FBRS: variants seen among roughly 807,000 people sequenced by gnomAD.
FBRS encodes fibrosin, also known as probable fibrosin-1.
In FBRS, 15 loss-of-function variants were observed where a neutral mutation model predicts 86.1. That is an observed-to-expected ratio of 0.17 (90% CI 0.12 to 0.27). The LOEUF is 0.27. Among genes scored for constraint, FBRS ranks in the 10% least tolerant of loss-of-function variants. FBRS has a pLI of 1.00. For synonymous variants in FBRS, 666 were observed against 575.8 expected (o/e 1.16, Z -2.24); for missense variants, 1,367 against 1,301.6 (o/e 1.05, Z -0.77).
In FBRS at chr16:30,666,937, G is replaced by A. The variant is rs2052529309; in HGVS notation, c.1822G>A (p.Ala608Thr). ...GCGGCAGAAACCAGGGAAGTGGTGT[G>A]CCATGCACGTGCGTGTGGCTTACAT... ...PPLRKPGKWCAMHVRVAYMIL... is the reference protein window; with the variant it reads ...PPLRKPGKWCTMHVRVAYMIL... Residue 608 changes from alanine (A) to threonine (T), a missense_variant, in exon 13 of 18, where the codon GCC becomes ACC. Around this residue, in one of 3 missense-constraint regions of FBRS, gnomAD observed 659 missense variants for 678.8 expected, o/e 0.97. Coordinates refer to ENST00000356166, the MANE Select transcript of FBRS (RefSeq NM_001105079.3). The A allele has an allele frequency of 1.2e-6, 2 of 1,612,870 alleles. No individual in the cohort carries two copies. The highest frequency in any genetic ancestry group is 1.7e-5 in the Admixed American group (1 of 59,798).
chr16:30,664,703 C>A lies in FBRS; in HGVS notation c.1358-12C>A, dbSNP rs1263900591. The stretch of plus-strand genomic sequence containing the variant: ...CGACAGCATTAAAGCCTTCTCCCGT[C>A]CCCTCCCACAGAGCAGGACCTGATC... On this transcript the variant is annotated splice_polypyrimidine_tract_variant and intron_variant, in intron 7 of 17. Coordinates refer to ENST00000356166, the MANE Select transcript of FBRS (RefSeq NM_001105079.3). 1 of 1,507,862 alleles carries A rather than the reference C, an allele frequency of 6.6e-7. No homozygotes were observed. The highest frequency in any genetic ancestry group is 8.9e-7 in the Non-Finnish European group (1 of 1,123,310). 93.4% of individuals were successfully genotyped at this position (1,507,862 alleles called of 1,614,324 possible). A position where few individuals can be genotyped will look rare whatever the true frequency, so the allele number is the denominator to read the frequency against.
chr16:30,664,653 C>T, intron 7 of FBRS, 62 bp from the exon 8 acceptor site: 3 of 1,456,042 alleles, frequency 2.1e-6, no homozygotes, highest in Non-Finnish European at 2.7e-6. Flanking sequence ...AAGGCAGTCA[C>T]CTGGGCCCAA....
At position 30,660,447 on chromosome 16, in the gene FBRS, G is replaced by T; in HGVS notation, c.639+5G>T. ...AATAAGCGGAGAAGAAAAGAGGTGA[G>T]GTTGTCCCTTAAAACTCTTTAGGCA... is the stretch of plus-strand genomic sequence containing the variant. On this transcript the variant is annotated splice_donor_5th_base_variant and intron_variant, in intron 2 of 17. Coordinates refer to ENST00000356166, the MANE Select transcript of FBRS (RefSeq NM_001105079.3). 1 of 1,257,964 alleles carries T rather than the reference G, an allele frequency of 7.9e-7. No homozygotes were observed. Among genetic ancestry groups the T allele is most frequent in the East Asian group, 3.1e-5 (1 of 31,788 alleles). The allele number at this position is 1,257,964 out of a possible 1,614,324, so 77.9% of individuals were successfully genotyped here.
At chr16:30,663,725 C>T (rs893924) in intron 6 of FBRS, among the ~76,000 whole-genome samples, 2,906 of 152,182 alleles carry the variant, frequency 0.019, 87 homozygotes, top group African/African-American at 0.068. Flanking sequence ...ATTTTGTCAC[C>T]GTCATTGTCA....
chr16:30,668,842 A>C lies in FBRS; in HGVS notation c.2229A>C (p.Pro743=), dbSNP rs765528853. 1.3e-4 allele frequency: 211 copies of C among 1,595,248 alleles called. No individual in the cohort carries two copies. The highest frequency in any genetic ancestry group is 1.8e-4 in the Non-Finnish European group (206 of 1,175,810). ...APPAFASPPD[P]WGRLHRSPLT... ...CAGCCTTCGCCTCCCCACCGGACCC[A>C]TGGGGCCGCCTGCACCGCAGTCCTC... The change falls in exon 17 of 18, where the codon CCA becomes CCC. Residue 743 remains proline (P), a synonymous_variant. Transcript: ENST00000356166.
chr16:30,665,931 T>G lies in FBRS; in HGVS notation c.1773+225T>G. On this transcript the variant is annotated intron_variant, in intron 11 of 17. Coordinates refer to ENST00000356166, the MANE Select transcript of FBRS (RefSeq NM_001105079.3). This position sits in a 1 kb window ranked among gnomAD's most constrained non-coding sequence, Gnocchi z 4.1. ...AAATAGGATGATTAGGACAATGGTT[T>G]TTGTAGTGGTTTTCAAACTTTTTAA... The G allele has an allele frequency of 2.0e-6, 1 of 508,258 alleles. No individual in the cohort carries two copies. The highest frequency in any genetic ancestry group is 2.0e-5 in the African/African-American group (1 of 50,612). The allele number at this position is 508,258 out of a possible 1,614,324, so 31.5% of individuals were successfully genotyped here. A position where few individuals can be genotyped will look rare whatever the true frequency, so the allele number is the denominator to read the frequency against.
chr16:30,669,704 G>A lies in FBRS; in HGVS notation c.*59G>A. 6.6e-7 allele frequency: 1 copy of A among 1,504,850 alleles called. No individual in the cohort carries two copies. The allele number at this position is 1,504,850 out of a possible 1,614,324, so 93.2% of individuals were successfully genotyped here. A position where few individuals can be genotyped will look rare whatever the true frequency, so the allele number is the denominator to read the frequency against. On this transcript the variant is annotated 3_prime_UTR_variant, in exon 18 of 18. Transcript: ENST00000356166. The surrounding 1 kb of genome is among the most constrained non-coding windows in gnomAD (Gnocchi z 5.9). ...CTCCCCTTCCTTTAACCAGGTCCTA[G>A]GGCTGAGGTTTTAAGCCAGGGCTGG...
In FBRS at chr16:30,664,791, G is replaced by A. The variant is rs2052501961; in HGVS notation, c.1434G>A (p.Gly478=). The A allele has an allele frequency of 6.4e-7, 1 of 1,554,042 alleles. No individual in the cohort carries two copies. Among genetic ancestry groups the A allele is most frequent in the Non-Finnish European group, 8.7e-7 (1 of 1,148,346 alleles). The change falls in exon 8 of 18, where the codon GGG becomes GGA. Residue 478 remains glycine (G), a synonymous_variant. Transcript: ENST00000356166. Reference sequence around the variant, plus strand: ...GTGGCCCTGAGGTGGTGGGGGCAGGGGGCTCGGCCCGGCCCCTGGCCTTCC... The same window carrying A: ...GTGGCCCTGAGGTGGTGGGGGCAGGAGGCTCGGCCCGGCCCCTGGCCTTCC... ...AQGGPEVVGA[G]GSARPLAFQF... is the part of the protein sequence containing the mutation.
chr16:30,667,250 C>T, intron 13 of FBRS, 70 bp from the exon 14 acceptor site: 9 of 1,282,678 alleles, frequency 7.0e-6, no homozygotes, highest in East Asian at 2.5e-5. Context: ...AGGGGAACCA[C>T]GGGTGAGAGA....
rs2151264256 is a variant in FBRS, at chr16:30,659,497, T to G, written c.-22T>G. 7.1e-6 allele frequency: 2 copies of G among 282,336 alleles called. No individual in the cohort carries two copies. The allele number at this position is 282,336 out of a possible 1,614,324, so 17.5% of individuals were successfully genotyped here. ...CGCTTCGGGCCCCGCCGCCTCCGGA[T>G]GCGGCGCTGAGGGCGGTCGCCATGG... is the stretch of plus-strand genomic sequence containing the variant. On this transcript the variant is annotated 5_prime_UTR_variant, in exon 1 of 18. The change abolishes an upstream ATG in the 5' untranslated region. Coordinates refer to ENST00000356166, the MANE Select transcript of FBRS (RefSeq NM_001105079.3).
At chr16:30,667,941 T>C in intron 15 of FBRS, 1 of 328,678 alleles carries the variant, frequency 3.0e-6, no homozygotes, top group African/African-American at 2.1e-5. Flanking sequence ...ACTCCTAGGA[T>C]CTTGGCAGGC....
At chr16:30,666,757 C>T (rs1307796345) in intron 12 of FBRS, among the ~76,000 whole-genome samples, 162 bp from the exon 13 acceptor site, 1 of 152,136 alleles carries the variant, frequency 6.6e-6, no homozygotes, top group Non-Finnish European at 1.5e-5. Flanking sequence ...CTCTGAGCCT[C>T]AGTTTCCTAG....
In FBRS at chr16:30,659,799, G is replaced by A. The variant is rs1357197617; in HGVS notation, c.281G>A (p.Arg94Gln). ...CCGAGACCTCGACCCCCGCGACCCC[G>A]AGCTCGGAAGCGGCCTGCCGGCTCG... is the stretch of plus-strand genomic sequence containing the variant. ...PRPRPRPPRP[R>Q]ARKRPAGSGS... Residue 94 changes from arginine to glutamine, a missense_variant, in exon 1 of 18, where the codon CGA becomes CAA. Physicochemically the swap from Arg to Gln is conservative, Grantham distance 43 (BLOSUM62 1). This residue lies in a region of FBRS where 702 missense variants were observed against 598.7 expected (regional missense o/e 1.17). Transcript: ENST00000356166. The A allele has an allele frequency of 6.6e-7, 1 of 1,505,800 alleles. No homozygotes were observed. 93.3% of individuals were successfully genotyped at this position (1,505,800 alleles called of 1,614,324 possible). A position where few individuals can be genotyped will look rare whatever the true frequency, so the allele number is the denominator to read the frequency against.
At chr16:30,662,371 G>A in intron 4 of FBRS, 49 bp from the exon 5 acceptor site, 15 of 1,549,208 alleles carry the variant, frequency 9.7e-6, no homozygotes, top group Non-Finnish European at 1.3e-5. Context: ...CCTGGGTGGA[G>A]GCCTGGCCCA....
At position 30,665,485 on chromosome 16, in the gene FBRS, C is replaced by T. The variant is rs1426063296; in HGVS notation, c.1704+84C>T. On this transcript the variant is annotated intron_variant, in intron 10 of 17. Transcript: ENST00000356166. This position sits in a 1 kb window ranked among gnomAD's most constrained non-coding sequence, Gnocchi z 4.1. ...GGGTCCAAGCACCCTTCTCCCATTC[C>T]CCAAAGTCGTGCCCATCCTCCTGCC... 1.4e-6 allele frequency: 2 copies of T among 1,449,698 alleles called. No individual in the cohort carries two copies. Among genetic ancestry groups the T allele is most frequent in the Non-Finnish European group, 1.9e-6 (2 of 1,054,698 alleles). 89.8% of individuals were successfully genotyped at this position (1,449,698 alleles called of 1,614,324 possible).
chr16:30,662,071 C>A (rs1442474146), intron 4 of FBRS: 3 of 263,648 alleles, frequency 1.1e-5, no homozygotes, highest in Non-Finnish European at 2.2e-5. Context: ...TGGTTTAAAA[C>A]TTTTACCAAC....
At chr16:30,660,171 G>A in intron 1 of FBRS, 92 bp from the exon 2 acceptor site, 1 of 1,411,698 alleles carries the variant, frequency 7.1e-7, no homozygotes, top group Non-Finnish European at 9.3e-7. Context: ...CGGTTTCCCG[G>A]CCCGAGGGGT....
chr16:30,665,732 G>A lies in FBRS; in HGVS notation c.1773+26G>A, dbSNP rs1188995139. 6.4e-7 allele frequency: 1 copy of A among 1,562,148 alleles called. No individual in the cohort carries two copies. The highest frequency in any genetic ancestry group is 1.4e-5 in the African/African-American group (1 of 74,002). Reference sequence around the variant, plus strand: ...GTGAGGGGGCCAGGGCAGGTCCTGGGGGAGCTGGAAGGTGTGTTGCGGGGA... The same window carrying A: ...GTGAGGGGGCCAGGGCAGGTCCTGGAGGAGCTGGAAGGTGTGTTGCGGGGA... On this transcript the variant is annotated intron_variant, in intron 11 of 17. Transcript: ENST00000356166. This position sits in a 1 kb window ranked among gnomAD's most constrained non-coding sequence, Gnocchi z 4.1.
Position 30,659,691 on chromosome 16 carries a change from C to T in FBRS, c.173C>T (p.Ser58Leu). 1 of 885,560 alleles carries T rather than the reference C, an allele frequency of 1.1e-6. No homozygotes were observed. Among genetic ancestry groups the T allele is most frequent in the Non-Finnish European group, 1.7e-6 (1 of 601,348 alleles). The allele number at this position is 885,560 out of a possible 1,614,324, so 54.9% of individuals were successfully genotyped here. A position where few individuals can be genotyped will look rare whatever the true frequency, so the allele number is the denominator to read the frequency against. ...GCCCCGCGCGGCTCCTCGTCCTCGT[C>T]GTCGCCGCCGCCGCCCGCCAGGCCT... ...LAAPRGSSSS[S>L]SPPPPARPWS... Residue 58 changes from serine to leucine, a missense_variant, in exon 1 of 18, where the codon TCG (serine) becomes TTG (leucine). Physicochemically the swap from Ser to Leu is moderately radical, Grantham distance 145. Transcript: ENST00000356166.
Sources: allele counts gnomAD v4.1 joint callset (sites outside exome capture counted in the v4.1 genomes callset), GRCh38; gene constraint gnomAD v4.1.1; regional missense constraint gnomAD v4.1.1; non-coding constraint Gnocchi (gnomAD v3.1); transcripts MANE v1.5; gene names NCBI Gene and HGNC (gene_info 2026-07-23, HGNC 2026-07-21).